The following MINPP1 variants were observed in gnomAD, a reference collection of about 807,000 sequenced individuals.
MINPP1 encodes the protein multiple inositol polyphosphate phosphatase 1.
A neutral mutation model predicts 46.1 loss-of-function variants in MINPP1; 28 were observed. That is an observed-to-expected ratio of 0.61 (90% CI 0.45 to 0.83). The LOEUF is 0.83. MINPP1 is among the 40% of genes least tolerant of loss of function. The probability of loss-of-function intolerance (pLI) is 0.00; values close to 1 mark genes in which losing one functional copy is unlikely to be tolerated. For synonymous variants in MINPP1, 268 were observed against 249.1 expected, an observed-to-expected ratio of 1.08 and a Z score of -0.72; for missense variants, 603 against 610.0, an observed-to-expected ratio of 0.99 and a Z score of 0.12.
intron 1 of MINPP1, among the ~76,000 whole-genome samples, chr10:87,507,233 CT>C (rs1205045210): frequency 6.6e-6 from 1 of 152,116 alleles, no homozygotes. Context: ...TACATCTGGT[CT>C]TTTGAGGGAG....
rs1243459615 is a variant in MINPP1 at position 87,508,356 on chromosome 10, A to C, written c.658A>C (p.Thr220Pro). Residue 220 changes from threonine (T) to proline (P), a missense_variant, in exon 2 of 5, where the codon ACA becomes CCA. By Grantham distance (38) the Thr-to-Pro change is conservative. Transcript: ENST00000371996. ...DVADMEFGPP[T>P]VNDKLMRFFD... ...TTCAGATATGGAGTTTGGACCTCCA[A>C]CAGTTAATGATAAACTAATGAGATT... The C allele has an allele frequency of 1.9e-6, 3 of 1,613,184 alleles. No homozygotes were observed. Among genetic ancestry groups the C allele is most frequent in the Admixed American group, 3.3e-5 (2 of 59,916 alleles).
chr10:87,551,377 C>G (rs1450024235), intron 4 of MINPP1, among the ~76,000 whole-genome samples: 2 of 151,756 alleles, frequency 1.3e-5, no homozygotes, highest in Non-Finnish European at 2.9e-5. Flanking sequence ...AAAGGCTAAG[C>G]AGTCATTCAC....
Position 87,504,931 on chromosome 10 carries a change from G to C in MINPP1, c.16G>C (p.Gly6Arg), listed in dbSNP as rs770549254. 2 of 1,610,816 alleles carry C rather than the reference G, an allele frequency of 1.2e-6. No homozygotes were observed. Among genetic ancestry groups the C allele is most frequent in the African/African-American group, 2.7e-5 (2 of 74,906 alleles). Residue 6 changes from glycine to arginine, a missense_variant, in exon 1 of 5, where the codon GGC (glycine) becomes CGC (arginine). Gly to Arg is a moderately radical substitution (Grantham distance 125). Transcript: ENST00000371996. MLRAP[G>R]CLLRTSVAPA... ...CGTCCCGACGATGCTACGCGCGCCC[G>C]GCTGCCTCCTCCGGACCTCCGTAGC...
chr10:87,543,417 G>A (rs1417946923), intron 4 of MINPP1, among the ~76,000 whole-genome samples: 1 of 152,156 alleles, frequency 6.6e-6, no homozygotes, highest in Non-Finnish European at 1.5e-5. Flanking sequence ...AACTTTGGGA[G>A]GTCAAGGAAG....
In MINPP1 at chr10:87,536,782, C is replaced by CA. The variant is rs1307304699; in HGVS notation, c.1068-15299dup. 4.6e-5 allele frequency among the ~76,000 whole-genome samples: 7 copies of CA among 152,274 alleles called. No individual in the cohort carries two copies. The East Asian group carries it at 1.3e-3, about 29-fold the overall frequency. On this transcript the variant is annotated intron_variant, in intron 4 of 4. Transcript: ENST00000371996. ...GTATTCTGTTACATAGATCCACCAC[C>CA]ATTTGTTCACCTTTTGATGAACATT...
Position 87,533,258 on chromosome 10 carries a change from A to C in MINPP1, c.1067+12089A>C, listed in dbSNP as rs142282655. Reference sequence around the variant, plus strand: ...AATTTTGATAGCATGGTTTTACTTCATGGAAAAAATGGAAGATTGCAAATT... The same window carrying C: ...AATTTTGATAGCATGGTTTTACTTCCTGGAAAAAATGGAAGATTGCAAATT... On this transcript the variant is annotated intron_variant, in intron 4 of 4. Transcript: ENST00000371996. 2.8e-3 allele frequency among the ~76,000 whole-genome samples: 426 copies of C among 152,050 alleles called. 2 individuals are homozygous for C. The highest frequency in any genetic ancestry group is 9.9e-3 in the African/African-American group (411 of 41,490).
intron 4 of MINPP1, among the ~76,000 whole-genome samples, chr10:87,543,837 A>G (rs1337989912): frequency 6.6e-6 from 1 of 152,236 alleles, no homozygotes. Context: ...AAGCCATTCA[A>G]GAGGGATCCA....
chr10:87,532,308 T>C (rs1851672078), intron 4 of MINPP1, among the ~76,000 whole-genome samples: 1 of 152,260 alleles, frequency 6.6e-6, no homozygotes, highest in African/African-American at 2.4e-5. Flanking sequence ...TGTTTATATG[T>C]CAGGCAGTGA....
chr10:87,512,313 C>G (rs1047462814), intron 2 of MINPP1, among the ~76,000 whole-genome samples: 48 of 152,200 alleles, frequency 3.2e-4, no homozygotes, highest in Middle Eastern at 3.4e-3. Context: ...AATCCACTTC[C>G]GAAATCATTT....
At chr10:87,534,298 G>A (rs1204199767) in intron 4 of MINPP1, among the ~76,000 whole-genome samples, 2 of 152,042 alleles carry the variant, frequency 1.3e-5, no homozygotes, top group Admixed American at 6.6e-5. Flanking sequence ...CAGGTGGTCT[G>A]CCTGCCTTGG....
chr10:87,518,887 A>G (rs558060288), intron 3 of MINPP1, among the ~76,000 whole-genome samples: 114 of 152,346 alleles, frequency 7.5e-4, no homozygotes, highest in African/African-American at 2.3e-3. Flanking sequence ...GCCACCCTCC[A>G]GGAAGCTCCA....
At chr10:87,536,993 GC>G (rs1851745119) in intron 4 of MINPP1, among the ~76,000 whole-genome samples, 1 of 151,976 alleles carries the variant, frequency 6.6e-6, no homozygotes, top group African/African-American at 2.4e-5. Flanking sequence ...CTAGAGTGCA[GC>G]GGCACGATCT....
chr10:87,526,559 A>G lies in MINPP1; in HGVS notation c.1067+5390A>G, dbSNP rs181476456. Among the ~76,000 whole-genome samples the G allele has an allele frequency of 1.2e-4, 19 of 152,192 alleles. No homozygotes were observed. In the East Asian group the frequency reaches 2.5e-3, roughly 20 times the overall value. On this transcript the variant is annotated intron_variant, in intron 4 of 4. Transcript: ENST00000371996. ...AAGCTCTTTAGTTTAATTAGATCCC[A>G]TTTGTCAATTTTGGCTTTTGTTGCC...
intron 4 of MINPP1, among the ~76,000 whole-genome samples, chr10:87,536,119 C>T (rs1247615019): frequency 6.6e-6 from 1 of 152,062 alleles, no homozygotes; most frequent in African/African-American, 2.4e-5. Context: ...AAATATACAG[C>T]GTTTTCCAGG....
At chr10:87,526,030 C>G (rs183510316) in intron 4 of MINPP1, among the ~76,000 whole-genome samples, 1 of 152,170 alleles carries the variant, frequency 6.6e-6, no homozygotes, top group Non-Finnish European at 1.5e-5. Flanking sequence ...GTGCATGTAT[C>G]TTTATAGCAG....
intron 4 of MINPP1, among the ~76,000 whole-genome samples, chr10:87,545,565 A>G (rs1175230005): frequency 1.3e-5 from 2 of 152,226 alleles, no homozygotes; most frequent in South Asian, 2.1e-4. Flanking sequence ...TTACCTGGAC[A>G]TAATACTAAC....
chr10:87,522,795 CTCTT>C lies in MINPP1; in HGVS notation c.1067+1633_1067+1636del, dbSNP rs371071537. The stretch of plus-strand genomic sequence containing the variant: ...CAATGAGGTTTGCTGCATCAGTTGA[CTCTT>C]TCTTTCATGAAAGATGTCTCTGTAA... On this transcript the variant is annotated intron_variant, in intron 4 of 4. Transcript: ENST00000371996. Among the ~76,000 whole-genome samples, 20 of 152,258 alleles carry C rather than the reference CTCTT, an allele frequency of 1.3e-4. No individual in the cohort carries two copies. In the East Asian group the frequency reaches 2.5e-3, roughly 19 times the overall value.
chr10:87,507,004 T>C (rs1170577071), intron 1 of MINPP1, among the ~76,000 whole-genome samples: 1 of 152,216 alleles, frequency 6.6e-6, no homozygotes, highest in African/African-American at 2.4e-5. Flanking sequence ...CAGAACATAT[T>C]TTAATATAAC....
intron 2 of MINPP1, among the ~76,000 whole-genome samples, chr10:87,509,357 G>A (rs972968316): frequency 1.3e-5 from 2 of 152,102 alleles, no homozygotes; most frequent in African/African-American, 2.4e-5. Context: ...GCTTTATAAG[G>A]ATCAAAAAGA....
Sources: allele counts gnomAD v4.1 joint callset (sites outside exome capture counted in the v4.1 genomes callset), GRCh38; gene constraint gnomAD v4.1.1; transcripts MANE v1.5; gene names NCBI Gene and HGNC (gene_info 2026-07-23, HGNC 2026-07-21).